CACNA1I: variants seen among roughly 807,000 people sequenced by gnomAD.
CACNA1I encodes the protein calcium voltage-gated channel subunit alpha1 I, also known as voltage-dependent T-type calcium channel subunit alpha-1I.
CACNA1I carries 74 observed loss-of-function variants against 201.6 expected under a neutral mutation model. The ratio of observed to expected loss-of-function variants is 0.37; its 90% confidence interval spans 0.30 to 0.45. The LOEUF is 0.45. Among genes scored for constraint, CACNA1I ranks in the 20% least tolerant of loss-of-function variants. The pLI, the probability that CACNA1I is intolerant of heterozygous loss-of-function variation, is 1.00. For synonymous variants in CACNA1I, 1,431 were observed against 1,345.2 expected, an observed-to-expected ratio of 1.06 and a Z score of -1.40; for missense variants, 2,346 against 3,138.1, an observed-to-expected ratio of 0.75 and a Z score of 6.03.
At chr22:39,681,595 C>T (rs1294932385) in intron 34 of CACNA1I, among the ~76,000 whole-genome samples, 1 of 152,130 alleles carries the variant, frequency 6.6e-6, no homozygotes, top group Non-Finnish European at 1.5e-5. Flanking sequence ...GAGCAGGAAG[C>T]CACCCCAGGG....
At chr22:39,572,222 GT>G (rs1449994792) in intron 1 of CACNA1I, among the ~76,000 whole-genome samples, 1 of 152,160 alleles carries the variant, frequency 6.6e-6, no homozygotes, top group African/African-American at 2.4e-5. Flanking sequence ...GCAGGGTGAA[GT>G]GGGGGCTGGG....
At chr22:39,679,539 CTCTG>C (rs1935628599) in intron 32 of CACNA1I, 94 bp downstream of exon 32, 3 of 1,089,484 alleles carry the variant, frequency 2.8e-6, no homozygotes, top group Non-Finnish European at 3.8e-6. Context: ...GCACAGAGAC[CTCTG>C]TCTTTCTGGG....
Position 39,659,840 on chromosome 22 carries a change from C to T in CACNA1I, c.2592C>T (p.Gly864=). 2 of 1,613,858 alleles carry T rather than the reference C, an allele frequency of 1.2e-6. No individual in the cohort carries two copies. Among genetic ancestry groups the T allele is most frequent in the Non-Finnish European group, 1.7e-6 (2 of 1,179,870 alleles). The change falls in exon 14 of 37, where the codon GGC becomes GGT. Residue 864 remains glycine, a synonymous_variant. Coordinates refer to ENST00000402142, the MANE Select transcript of CACNA1I (RefSeq NM_021096.4). The surrounding 1 kb of genome is among the most constrained non-coding windows in gnomAD (Gnocchi z 4.3). ...FNLLVAILVE[G]FQAEGDANRS... ...TGCTGGTGGCCATCCTGGTGGAGGG[C>T]TTCCAGGCGGAGGTGACTGTGGTCT...
intron 3 of CACNA1I, among the ~76,000 whole-genome samples, chr22:39,610,256 G>C (rs1933349028): frequency 1.3e-5 from 2 of 152,330 alleles, no homozygotes; most frequent in South Asian, 4.1e-4. Context: ...TCATCATCCT[G>C]AAGTCCCCAG....
rs545611983 is a variant in CACNA1I at position 39,633,472 on chromosome 22, G to C, written c.581-1093G>C. On this transcript the variant is annotated intron_variant, in intron 4 of 36. Transcript: ENST00000402142. ...TGCTGAGATTGCCCAGAGCAGAAGA[G>C]AGAAGGATGAACTCTACCTGGGATG... Among the ~76,000 whole-genome samples, 18 of 152,376 alleles carry C rather than the reference G, an allele frequency of 1.2e-4. No individual in the cohort carries two copies. The South Asian group carries it at 2.9e-3, about 25-fold the overall frequency.
rs781661604 is a variant in CACNA1I, at chr22:39,679,705, C to T, written c.5395-17C>T. ...CTGATAATCCCGCCTGTCCCCACCC[C>T]GTCCCCGTCCGCCTAGGAGAACCTG... On this transcript the variant is annotated splice_polypyrimidine_tract_variant and intron_variant, in intron 32 of 36. Transcript: ENST00000402142. 4 of 1,604,108 alleles carry T rather than the reference C, an allele frequency of 2.5e-6. No individual in the cohort carries two copies. Among genetic ancestry groups the T allele is most frequent in the African/African-American group, 1.3e-5 (1 of 74,720 alleles).
intron 16 of CACNA1I, 71 bp downstream of exon 16, chr22:39,661,381 G>T: frequency 8.5e-7 from 1 of 1,171,810 alleles, no homozygotes; most frequent in Non-Finnish European, 1.2e-6. Flanking sequence ...CTGAAGAGAG[G>T]TACCTGCCAG....
intron 1 of CACNA1I, among the ~76,000 whole-genome samples, chr22:39,587,476 G>A (rs1266634900): frequency 6.6e-6 from 1 of 152,208 alleles, no homozygotes; most frequent in Non-Finnish European, 1.5e-5. Context: ...TCTCGGGCAA[G>A]TGCTGTCTTC....
rs1486964473 is a variant in CACNA1I at position 39,655,928 on chromosome 22, C to T, written c.1993-2224C>T. ...CCCTGGTAGGAGTGTGTGCGTGGCG[C>T]GCGCGGCTGGAGCCAGCTGATCATC... On this transcript the variant is annotated intron_variant, in intron 10 of 36. Coordinates refer to ENST00000402142, the MANE Select transcript of CACNA1I (RefSeq NM_021096.4). 5.3e-5 allele frequency among the ~76,000 whole-genome samples: 8 copies of T among 152,208 alleles called. No homozygotes were observed. The East Asian group carries it at 7.7e-4, about 15-fold the overall frequency.
Position 39,650,133 on chromosome 22 carries a change from G to A in CACNA1I, c.1992+208G>A, listed in dbSNP as rs917486843. Reference sequence around the variant, plus strand: ...GGAAGGAAGGGCTTGGGTGTCTGCCGAATGAATGATGAGTGAACGAGTGAA... The same window carrying A: ...GGAAGGAAGGGCTTGGGTGTCTGCCAAATGAATGATGAGTGAACGAGTGAA... On this transcript the variant is annotated intron_variant, in intron 10 of 36. Transcript: ENST00000402142. Among the ~76,000 whole-genome samples, 3 of 152,124 alleles carry A rather than the reference G, an allele frequency of 2.0e-5. No individual in the cohort carries two copies. In the East Asian group the frequency reaches 5.8e-4, roughly 29 times the overall value.
chr22:39,665,453 G>T lies in CACNA1I; in HGVS notation c.3852-45G>T. ...TGGGCTGAGTAGGGGCTGCCTCCTG[G>T]CCTGGCCAAGGGATTATGTGTGCCT... On this transcript the variant is annotated intron_variant, in intron 21 of 36. Coordinates refer to ENST00000402142, the MANE Select transcript of CACNA1I (RefSeq NM_021096.4). The surrounding 1 kb of genome is among the most constrained non-coding windows in gnomAD (Gnocchi z 5.5). 1 of 1,608,570 alleles carries T rather than the reference G, an allele frequency of 6.2e-7. No homozygotes were observed. The highest frequency in any genetic ancestry group is 8.5e-7 in the Non-Finnish European group (1 of 1,177,456).
chr22:39,601,413 G>T (rs1006203111), intron 3 of CACNA1I, among the ~76,000 whole-genome samples: 1 of 152,242 alleles, frequency 6.6e-6, no homozygotes, highest in African/African-American at 2.4e-5. Flanking sequence ...ATTTAACACA[G>T]CAGCCCGACT....
At chr22:39,624,085 G>A (rs1256106544) in intron 4 of CACNA1I, among the ~76,000 whole-genome samples, 2 of 150,492 alleles carry the variant, frequency 1.3e-5, no homozygotes, top group Middle Eastern at 3.6e-3. Context: ...TTGTGAGAGC[G>A]CGTGTGTGAA....
chr22:39,680,492 C>A (rs1465755680), intron 33 of CACNA1I, among the ~76,000 whole-genome samples: 4 of 152,220 alleles, frequency 2.6e-5, no homozygotes, highest in African/African-American at 9.7e-5. Flanking sequence ...CACATCCCTG[C>A]CCTGTGGTGG....
chr22:39,613,649 G>C lies in CACNA1I; in HGVS notation c.483-5661G>C, dbSNP rs118038866. Among the ~76,000 whole-genome samples, 99 of 152,334 alleles carry C rather than the reference G, an allele frequency of 6.5e-4. No homozygotes were observed. In the East Asian group the frequency reaches 0.017, roughly 26 times the overall value. On this transcript the variant is annotated intron_variant, in intron 3 of 36. Transcript: ENST00000402142. ...ACCATCGGGTAGCACTGCCTTGGAGGATGCTGGCCCTGGTCCTAGTGCTGT... is the reference window on the plus strand; with the variant it reads ...ACCATCGGGTAGCACTGCCTTGGAGCATGCTGGCCCTGGTCCTAGTGCTGT...
Position 39,674,802 on chromosome 22 carries a change from G to A in CACNA1I, c.4854+769G>A, listed in dbSNP as rs1440125812. On this transcript the variant is annotated intron_variant, in intron 29 of 36. Transcript: ENST00000402142. ...GAAGTTTAGGTGCCTTAAAATACAA[G>A]GCACAGATACTGCACATTAAAAATG... is the stretch of plus-strand genomic sequence containing the variant. 4.6e-5 allele frequency among the ~76,000 whole-genome samples: 7 copies of A among 152,096 alleles called. No individual in the cohort carries two copies. In the East Asian group the frequency reaches 1.4e-3, roughly 29 times the overall value.
intron 3 of CACNA1I, among the ~76,000 whole-genome samples, chr22:39,600,890 C>G (rs146566741): frequency 6.6e-6 from 1 of 152,140 alleles, no homozygotes; most frequent in African/African-American, 2.4e-5. Context: ...ATTAATGATA[C>G]GACCTTGAGA....
At chr22:39,646,181 C>G (rs1023463497) in intron 7 of CACNA1I, among the ~76,000 whole-genome samples, 2 of 152,126 alleles carry the variant, frequency 1.3e-5, no homozygotes, top group Non-Finnish European at 2.9e-5. Context: ...TTTCCTGTCC[C>G]CATCTGTGTC....
At chr22:39,626,290 G>A (rs1484182813) in intron 4 of CACNA1I, among the ~76,000 whole-genome samples, 1 of 152,260 alleles carries the variant, frequency 6.6e-6, no homozygotes, top group Admixed American at 6.5e-5. Flanking sequence ...CACCGTGGGT[G>A]TAGAGAGCTG....
Sources: gnomAD v4.1 joint callset for allele counts (sites outside exome capture counted in the v4.1 genomes callset) on GRCh38, gnomAD v4.1.1 for gene constraint, Gnocchi (gnomAD v3.1) non-coding constraint, MANE v1.5 for transcripts, NCBI Gene and HGNC (gene_info 2026-07-23, HGNC 2026-07-21) for gene names.